Variants in RTN4RL1 observed in about 807,000 individuals in gnomAD.
RTN4RL1 encodes the protein reticulon 4 receptor like 1.
Under a neutral mutation model 25.6 loss-of-function variants are expected in RTN4RL1, and 7 were observed. That is an observed-to-expected ratio of 0.27 (90% CI 0.16 to 0.51). The LOEUF (loss-of-function observed/expected upper bound fraction) is 0.51. RTN4RL1 is among the 20% of genes least tolerant of loss of function. The pLI is 0.97. For synonymous variants in RTN4RL1, 297 were observed against 288.2 expected, an observed-to-expected ratio of 1.03 and a Z score of -0.31; for missense variants, 500 against 615.6, an observed-to-expected ratio of 0.81 and a Z score of 1.99.
chr17:1,962,725 C>T (rs959091421), intron 1 of RTN4RL1, among the ~76,000 whole-genome samples: 1 of 151,482 alleles, frequency 6.6e-6, no homozygotes, highest in Non-Finnish European at 1.5e-5. Context: ...ACTAGCCGGG[C>T]AGGATGGTGT....
At chr17:2,013,132 G>A (rs532633039) in intron 1 of RTN4RL1, among the ~76,000 whole-genome samples, 1 of 152,194 alleles carries the variant, frequency 6.6e-6, no homozygotes, top group East Asian at 1.9e-4. Context: ...GTTTTAGTGG[G>A]GTCCTGATAG....
intron 1 of RTN4RL1, among the ~76,000 whole-genome samples, chr17:1,991,753 G>T (rs986797845): frequency 2.6e-5 from 4 of 152,122 alleles, no homozygotes; most frequent in African/African-American, 7.2e-5. Flanking sequence ...CCCATCGCAC[G>T]GGGGTGTTGT....
chr17:1,954,892 C>T (rs1247454661), intron 1 of RTN4RL1, among the ~76,000 whole-genome samples: 1 of 152,192 alleles, frequency 6.6e-6, no homozygotes, highest in East Asian at 1.9e-4. Context: ...AGCAGCCAGA[C>T]GACCCCAGGG....
intron 1 of RTN4RL1, among the ~76,000 whole-genome samples, chr17:1,958,184 T>A (rs908918710): frequency 6.6e-6 from 1 of 152,164 alleles, no homozygotes; most frequent in Admixed American, 6.6e-5. Flanking sequence ...AGTGAGATTG[T>A]GTCTCAAAAA....
chr17:1,936,171 C>G lies in RTN4RL1; in HGVS notation c.*325G>C. 8.7e-7 allele frequency: 1 copy of G among 1,147,486 alleles called. No individual in the cohort carries two copies. The highest frequency in any genetic ancestry group is 1.1e-6 in the Non-Finnish European group (1 of 932,024). The allele number at this position is 1,147,486 out of a possible 1,614,324, so 71.1% of individuals were successfully genotyped here. A position where few individuals can be genotyped will look rare whatever the true frequency, so the allele number is the denominator to read the frequency against. The stretch of plus-strand genomic sequence containing the variant: ...GGGATTCCACAGAGCCCCGGTGCCG[C>G]CGTCGGGGGCAATTGTCCCACTGTT... On this transcript the variant is annotated 3_prime_UTR_variant, in exon 2 of 2. Transcript: ENST00000331238.
intron 1 of RTN4RL1, among the ~76,000 whole-genome samples, chr17:2,007,826 A>C (rs1464969008): frequency 1.3e-5 from 2 of 151,994 alleles, no homozygotes; most frequent in Admixed American, 6.6e-5. Flanking sequence ...CGCGCCTGTA[A>C]TCCCAGCTAC....
At chr17:1,971,338 C>T (rs1011287020) in intron 1 of RTN4RL1, among the ~76,000 whole-genome samples, 2 of 152,202 alleles carry the variant, frequency 1.3e-5, no homozygotes, top group African/African-American at 2.4e-5. Context: ...TCCCCAGTCA[C>T]GCAGAACTGT....
intron 1 of RTN4RL1, among the ~76,000 whole-genome samples, chr17:2,004,853 A>G (rs995697224): frequency 2.0e-5 from 3 of 152,304 alleles, no homozygotes; most frequent in South Asian, 2.1e-4. Flanking sequence ...AAAACTCCAA[A>G]GGGCAGTGAG....
intron 1 of RTN4RL1, among the ~76,000 whole-genome samples, chr17:1,999,010 G>A (rs920357171): frequency 4.6e-5 from 7 of 151,952 alleles, no homozygotes; most frequent in African/African-American, 1.7e-4. Context: ...CACACAGGGC[G>A]GGGACCACTC....
At chr17:2,019,310 G>C (rs1054102936) in intron 1 of RTN4RL1, 2 of 152,398 alleles carry the variant, frequency 1.3e-5, no homozygotes, top group African/African-American at 4.8e-5. Flanking sequence ...TCGGCCATCT[G>C]TTCCCTCCCT....
At chr17:1,980,666 C>T (rs1244041502) in intron 1 of RTN4RL1, among the ~76,000 whole-genome samples, 4 of 151,906 alleles carry the variant, frequency 2.6e-5, no homozygotes, top group African/African-American at 9.7e-5. Context: ...TATTTAAATC[C>T]TTATCAAAGT....
At chr17:1,961,817 ATG>A (rs753685734) in intron 1 of RTN4RL1, among the ~76,000 whole-genome samples, 1 of 80,228 alleles carries the variant, frequency 1.2e-5, no homozygotes, top group Non-Finnish European at 3.4e-5. Flanking sequence ...GCGTGGTGGC[ATG>A]TGCCTGTAAT....
chr17:2,010,501 C>G lies in RTN4RL1; in HGVS notation c.13+14352G>C, dbSNP rs2067037020. The stretch of plus-strand genomic sequence containing the variant: ...CAATATATATATAGTTGTTTATTGT[C>G]TATTTCTCCACCCCAACTAGAATGT... On this transcript the variant is annotated intron_variant, in intron 1 of 1. Coordinates refer to ENST00000331238, the MANE Select transcript of RTN4RL1 (RefSeq NM_178568.4). 2.0e-5 allele frequency among the ~76,000 whole-genome samples: 3 copies of G among 151,906 alleles called. No individual in the cohort carries two copies. In the South Asian group the frequency reaches 6.2e-4, roughly 32 times the overall value.
chr17:1,989,569 T>C (rs1270323662), intron 1 of RTN4RL1, among the ~76,000 whole-genome samples: 1 of 151,906 alleles, frequency 6.6e-6, no homozygotes, highest in Non-Finnish European at 1.5e-5. Context: ...CATATGTTTT[T>C]TATTTATTTA....
chr17:1,971,279 A>G (rs1431312856), intron 1 of RTN4RL1, among the ~76,000 whole-genome samples: 2 of 152,192 alleles, frequency 1.3e-5, no homozygotes, highest in Non-Finnish European at 2.9e-5. Context: ...CTTGCGAAGA[A>G]GGATGTGTTT....
intron 1 of RTN4RL1, among the ~76,000 whole-genome samples, chr17:1,990,022 G>T (rs983989873): frequency 5.3e-5 from 8 of 152,152 alleles, no homozygotes; most frequent in African/African-American, 1.7e-4. Flanking sequence ...TGTGCTTAAT[G>T]CCACAGAACT....
chr17:1,936,407 G>A lies in RTN4RL1; in HGVS notation c.*89C>T. Reference sequence around the variant, plus strand: ...TCTACCAGCCTTTTCCTGAAACCCAGCAGATCTTCCACTTGTTAAAAAAAG... The same window carrying A: ...TCTACCAGCCTTTTCCTGAAACCCAACAGATCTTCCACTTGTTAAAAAAAG... On this transcript the variant is annotated 3_prime_UTR_variant, in exon 2 of 2. Coordinates refer to ENST00000331238, the MANE Select transcript of RTN4RL1 (RefSeq NM_178568.4). The A allele has an allele frequency of 6.9e-7, 1 of 1,457,296 alleles. No individual in the cohort carries two copies. The highest frequency in any genetic ancestry group is 9.0e-7 in the Non-Finnish European group (1 of 1,110,606). The allele number at this position is 1,457,296 out of a possible 1,614,324, so 90.3% of individuals were successfully genotyped here. A position where few individuals can be genotyped will look rare whatever the true frequency, so the allele number is the denominator to read the frequency against.
At chr17:1,991,095 A>G (rs879665333) in intron 1 of RTN4RL1, among the ~76,000 whole-genome samples, 2 of 152,216 alleles carry the variant, frequency 1.3e-5, no homozygotes, top group Non-Finnish European at 2.9e-5. Flanking sequence ...CGCAGATTCC[A>G]TTCGATTCAG....
In RTN4RL1 at chr17:2,018,512, G is replaced by C. The variant is rs369558252; in HGVS notation, c.13+6341C>G. 3.2e-4 allele frequency among the ~76,000 whole-genome samples: 48 copies of C among 152,316 alleles called. 1 individual carries two copies. In the East Asian group the frequency reaches 8.7e-3, roughly 28 times the overall value. On this transcript the variant is annotated intron_variant, in intron 1 of 1. Coordinates refer to ENST00000331238, the MANE Select transcript of RTN4RL1 (RefSeq NM_178568.4). ...AGAGGGGAGTGCATAGGAACCACCA[G>C]CAAGCTCTGCGAGAAGCCAGAAATG...
Sources: allele counts gnomAD v4.1 joint callset (sites outside exome capture counted in the v4.1 genomes callset), GRCh38; gene constraint gnomAD v4.1.1; transcripts MANE v1.5; gene names NCBI Gene and HGNC (gene_info 2026-07-23, HGNC 2026-07-21).